Variants in GALNT18 observed in about 807,000 individuals in gnomAD.
The protein encoded by GALNT18 is polypeptide N-acetylgalactosaminyltransferase 18.
A neutral mutation model predicts 69.5 loss-of-function variants in GALNT18; 44 were observed. The ratio of observed to expected loss-of-function variants is 0.63; its 90% CI spans 0.50 to 0.81. The LOEUF (loss-of-function observed/expected upper bound fraction) is 0.81, where lower values mean the gene tolerates loss of function less well. Among genes scored for constraint, GALNT18 ranks in the 40% least tolerant of loss-of-function variants. The pLI is 0.00. For synonymous variants in GALNT18, 364 were observed against 318.2 expected (o/e 1.14, Z -1.53); for missense variants, 715 against 810.0 (o/e 0.88, Z 1.42).
chr11:11,378,659 C>G (rs1375144037), intron 4 of GALNT18, among the ~76,000 whole-genome samples: 3 of 152,240 alleles, frequency 2.0e-5, no homozygotes, highest in African/African-American at 4.8e-5. Flanking sequence ...AAGCTTCCCC[C>G]ACCTTTGCCC....
intron 1 of GALNT18, among the ~76,000 whole-genome samples, chr11:11,453,602 C>A (rs891280995): frequency 3.3e-5 from 5 of 152,148 alleles, no homozygotes; most frequent in African/African-American, 1.2e-4. Context: ...TCCTATAATT[C>A]CCATGTGTTG....
intron 10 of GALNT18, among the ~76,000 whole-genome samples, chr11:11,274,271 C>A (rs1428653217): frequency 6.6e-6 from 1 of 152,202 alleles, no homozygotes; most frequent in Non-Finnish European, 1.5e-5. Flanking sequence ...AGACACTGAG[C>A]TAGCTGCAGG....
chr11:11,584,640 A>T lies in GALNT18; in HGVS notation c.235+36719T>A, dbSNP rs1429917176. Among the ~76,000 whole-genome samples the T allele has an allele frequency of 6.6e-6, 1 of 152,176 alleles. No individual in the cohort carries two copies. Among genetic ancestry groups the T allele is most frequent in the Non-Finnish European group, 1.5e-5 (1 of 68,034 alleles). On this transcript the variant is annotated intron_variant, in intron 1 of 10. Coordinates refer to ENST00000227756, the MANE Select transcript of GALNT18 (RefSeq NM_198516.3). The surrounding 1 kb of genome is among the most constrained non-coding windows in gnomAD (Gnocchi z 4.1). ...GCAAACCCAATGAGTCACAGTGTAAATTATTCCTATTAGTCAGTGCTATCT... is the reference window on the plus strand; with the variant it reads ...GCAAACCCAATGAGTCACAGTGTAATTTATTCCTATTAGTCAGTGCTATCT...
intron 1 of GALNT18, among the ~76,000 whole-genome samples, chr11:11,599,954 G>A (rs576962629): frequency 6.6e-6 from 1 of 151,944 alleles, no homozygotes; most frequent in Non-Finnish European, 1.5e-5. Flanking sequence ...TTTCTTAGTG[G>A]TTGGTCTGAA....
At chr11:11,348,214 C>T (rs1407214693) in intron 6 of GALNT18, among the ~76,000 whole-genome samples, 1 of 145,736 alleles carries the variant, frequency 6.9e-6, no homozygotes, top group African/African-American at 2.8e-5. Flanking sequence ...CCCATCTCTG[C>T]TAAAAATACA....
intron 10 of GALNT18, among the ~76,000 whole-genome samples, chr11:11,290,816 A>G (rs1207351208): frequency 1.3e-5 from 2 of 152,186 alleles, no homozygotes; most frequent in Admixed American, 6.5e-5. Flanking sequence ...GGCTGAGGGC[A>G]GTAGAAAATG....
Position 11,540,467 on chromosome 11 carries a change from C to T in GALNT18, c.235+80892G>A, listed in dbSNP as rs959633127. On this transcript the variant is annotated intron_variant, in intron 1 of 10. Coordinates refer to ENST00000227756, the MANE Select transcript of GALNT18 (RefSeq NM_198516.3). This position sits in a 1 kb window ranked among gnomAD's most constrained non-coding sequence, Gnocchi z 4.6. ...CAGGTGATACCTTGCCAATAGGAGACACGGCTGTTCCTCATTTCATGACCA... is the reference window on the plus strand; with the variant it reads ...CAGGTGATACCTTGCCAATAGGAGATACGGCTGTTCCTCATTTCATGACCA... 2.0e-5 allele frequency among the ~76,000 whole-genome samples: 3 copies of T among 152,078 alleles called. No individual in the cohort carries two copies. Among genetic ancestry groups the T allele is most frequent in the African/African-American group, 7.2e-5 (3 of 41,394 alleles).
rs1193572189 is a variant in GALNT18, at chr11:11,564,987, A to G, written c.235+56372T>C. Among the ~76,000 whole-genome samples the G allele has an allele frequency of 6.6e-6, 1 of 152,142 alleles. No individual in the cohort carries two copies. The highest frequency in any genetic ancestry group is 2.4e-5 in the African/African-American group (1 of 41,420). ...CCAAACTCCAGCACTGCAGAAGATA[A>G]TATATTCCTTCACAGGTTAAACTCG... is the stretch of plus-strand genomic sequence containing the variant. On this transcript the variant is annotated intron_variant, in intron 1 of 10. Transcript: ENST00000227756. The surrounding 1 kb of genome is among the most constrained non-coding windows in gnomAD (Gnocchi z 4.3).
intron 6 of GALNT18, among the ~76,000 whole-genome samples, chr11:11,368,484 C>A (rs1389406245): frequency 6.6e-6 from 1 of 152,194 alleles, no homozygotes; most frequent in African/African-American, 2.4e-5. Context: ...TTATAAGATA[C>A]TAAATCCACA....
intron 2 of GALNT18, among the ~76,000 whole-genome samples, chr11:11,433,165 T>C (rs1405206722): frequency 1.3e-5 from 2 of 152,254 alleles, no homozygotes; most frequent in African/African-American, 4.8e-5. Flanking sequence ...ATTTCCAAAA[T>C]GGTAACCAAC....
At position 11,497,691 on chromosome 11, in the gene GALNT18, T is replaced by C. The variant is rs1394325981; in HGVS notation, c.236-48755A>G. Among the ~76,000 whole-genome samples the C allele has an allele frequency of 6.6e-6, 1 of 151,674 alleles. No individual in the cohort carries two copies. The highest frequency in any genetic ancestry group is 1.5e-5 in the Non-Finnish European group (1 of 67,966). On this transcript the variant is annotated intron_variant, in intron 1 of 10. Transcript: ENST00000227756. The surrounding 1 kb of genome is among the most constrained non-coding windows in gnomAD (Gnocchi z 4.2). ...AGCAGCTAATAGGGTAAGCAAAAAG[T>C]TTAAAGCAGGAATCACTGAAATTGT...
At chr11:11,397,882 G>T (rs190920627) in intron 3 of GALNT18, among the ~76,000 whole-genome samples, 1 of 152,216 alleles carries the variant, frequency 6.6e-6, no homozygotes, top group African/African-American at 2.4e-5. Flanking sequence ...AGAAGGGGCC[G>T]CTGGCTGGGG....
rs1479088687 is a variant in GALNT18 at position 11,459,076 on chromosome 11, A to C, written c.236-10140T>G. Reference sequence around the variant, plus strand: ...AGATGTTATGCCTCTGCTTGTGATTAGGCTCCCAAAGGACAATTTTCAGAT... The same window carrying C: ...AGATGTTATGCCTCTGCTTGTGATTCGGCTCCCAAAGGACAATTTTCAGAT... On this transcript the variant is annotated intron_variant, in intron 1 of 10. Transcript: ENST00000227756. The surrounding 1 kb of genome is among the most constrained non-coding windows in gnomAD (Gnocchi z 5.0). 6.6e-6 allele frequency among the ~76,000 whole-genome samples: 1 copy of C among 152,182 alleles called. No homozygotes were observed. The highest frequency in any genetic ancestry group is 2.4e-5 in the African/African-American group (1 of 41,454).
At chr11:11,280,407 C>T (rs551268387) in intron 10 of GALNT18, among the ~76,000 whole-genome samples, 1 of 152,176 alleles carries the variant, frequency 6.6e-6, no homozygotes, top group South Asian at 2.1e-4. Flanking sequence ...CTTGGCACCT[C>T]CAGGGAGAAG....
intron 1 of GALNT18, among the ~76,000 whole-genome samples, chr11:11,509,788 T>G (rs916850390): frequency 1.3e-5 from 2 of 152,210 alleles, no homozygotes; most frequent in Admixed American, 6.5e-5. Flanking sequence ...ATTCAAGACC[T>G]TCACTGCCCT....
rs961646235 is a variant in GALNT18, at chr11:11,582,498, T to C, written c.235+38861A>G. 6.6e-5 allele frequency among the ~76,000 whole-genome samples: 10 copies of C among 152,364 alleles called. No individual in the cohort carries two copies. The highest frequency in any genetic ancestry group is 2.4e-4 in the African/African-American group (10 of 41,576). ...GGAATAGGAGCAGAAGTGATAAACA[T>C]GCACCAATTTGAGAAGAAGCTTTAA... On this transcript the variant is annotated intron_variant, in intron 1 of 10. Transcript: ENST00000227756. The surrounding 1 kb of genome is among the most constrained non-coding windows in gnomAD (Gnocchi z 5.0).
rs1465820457 is a variant in GALNT18 at position 11,496,003 on chromosome 11, A to C, written c.236-47067T>G. On this transcript the variant is annotated intron_variant, in intron 1 of 10. Coordinates refer to ENST00000227756, the MANE Select transcript of GALNT18 (RefSeq NM_198516.3). The surrounding 1 kb of genome is among the most constrained non-coding windows in gnomAD (Gnocchi z 4.0). ...TTATAACTTCATAATCCTAATCCTAAAACATATGTGCTATCAGCATCCCTG... is the reference window on the plus strand; with the variant it reads ...TTATAACTTCATAATCCTAATCCTACAACATATGTGCTATCAGCATCCCTG... Among the ~76,000 whole-genome samples, 1 of 152,190 alleles carries C rather than the reference A, an allele frequency of 6.6e-6. No individual in the cohort carries two copies. Among genetic ancestry groups the C allele is most frequent in the East Asian group, 1.9e-4 (1 of 5,200 alleles).
At chr11:11,548,010 T>C (rs1858101482) in intron 1 of GALNT18, among the ~76,000 whole-genome samples, 1 of 152,188 alleles carries the variant, frequency 6.6e-6, no homozygotes, top group Admixed American at 6.5e-5. Context: ...GGCCCTATCT[T>C]CTGACTCTGA....
chr11:11,361,634 C>T (rs942333586), intron 6 of GALNT18, among the ~76,000 whole-genome samples: 7 of 152,156 alleles, frequency 4.6e-5, no homozygotes, highest in African/African-American at 1.7e-4. Context: ...TGAGTAACTA[C>T]ATCTCTTACA....
Sources: allele counts gnomAD v4.1 joint callset (sites outside exome capture counted in the v4.1 genomes callset), GRCh38; gene constraint gnomAD v4.1.1; non-coding constraint Gnocchi (gnomAD v3.1); transcripts MANE v1.5; gene names NCBI Gene and HGNC (gene_info 2026-07-23, HGNC 2026-07-21).